Variants in GPHN observed in about 807,000 individuals in gnomAD.
The protein encoded by GPHN is gephyrin.
GPHN carries 17 observed loss-of-function variants against 95.5 expected under a neutral mutation model. That is an observed-to-expected ratio of 0.18 (90% CI 0.12 to 0.27). The LOEUF (loss-of-function observed/expected upper bound fraction) is 0.27, where lower values mean the gene tolerates loss of function less well. Among genes scored for constraint, GPHN ranks in the 10% least tolerant of loss-of-function variants. The pLI, the probability that GPHN is intolerant of heterozygous loss-of-function variation, is 1.00. For missense variants in GPHN, 660 were observed against 978.1 expected (o/e 0.67, Z 4.34); for synonymous variants, 320 against 322.5 (o/e 0.99, Z 0.08).
intron 1 of GPHN, among the ~76,000 whole-genome samples, chr14:66,625,070 C>T (rs1441160524): frequency 6.6e-6 from 1 of 152,090 alleles, no homozygotes; most frequent in Admixed American, 6.6e-5. Context: ...AATCTGGAAA[C>T]TTGTCTTTTT....
At chr14:67,210,223 C>T in the GPHN span, among the ~76,000 whole-genome samples, 1 of 152,042 alleles carries the variant, frequency 6.6e-6, no homozygotes, top group African/African-American at 2.4e-5. Flanking sequence ...AATGGCTAAC[C>T]AGGAAATAGT....
chr14:66,600,418 G>C (rs1247582967), intron 1 of GPHN, among the ~76,000 whole-genome samples: 1 of 152,034 alleles, frequency 6.6e-6, no homozygotes, highest in Non-Finnish European at 1.5e-5. Flanking sequence ...GATTTGTTCT[G>C]TGACGTAGCA....
At chr14:67,210,182 T>C in the GPHN span, among the ~76,000 whole-genome samples, 1 of 152,226 alleles carries the variant, frequency 6.6e-6, no homozygotes, top group Non-Finnish European at 1.5e-5. Flanking sequence ...ATGGAAAACC[T>C]GTAAGTAATC....
chr14:66,588,675 CA>C (rs758672642), intron 1 of GPHN, among the ~76,000 whole-genome samples: 3 of 151,614 alleles, frequency 2.0e-5, no homozygotes, highest in Non-Finnish European at 4.4e-5. Flanking sequence ...AGTGTGAAGA[CA>C]AGATTAGAGA....
chr14:66,540,943 T>G (rs1429191653), intron 1 of GPHN, among the ~76,000 whole-genome samples: 4 of 151,882 alleles, frequency 2.6e-5, no homozygotes, highest in African/African-American at 9.7e-5. Flanking sequence ...CTGGCTAATT[T>G]TTTTTTCTTT....
At chr14:67,679,207 T>C in the GPHN span, among the ~76,000 whole-genome samples, 1 of 152,208 alleles carries the variant, frequency 6.6e-6, no homozygotes, top group East Asian at 1.9e-4. Flanking sequence ...CCCAAGATAA[T>C]GAACCCGTTC....
At chr14:67,532,709 G>A in the GPHN span, among the ~76,000 whole-genome samples, 1 of 152,314 alleles carries the variant, frequency 6.6e-6, no homozygotes, top group Non-Finnish European at 1.5e-5. Flanking sequence ...TACTCTCTGG[G>A]CTGTCGTAAC....
the GPHN span, chr14:67,334,391 GATTTT>G: frequency 2.0e-5 from 3 of 152,598 alleles, no homozygotes; most frequent in African/African-American, 7.2e-5. Flanking sequence ...TGAATGCCTT[GATTTT>G]ATTTTTATGG....
intron 10 of GPHN, among the ~76,000 whole-genome samples, chr14:67,039,885 A>C (rs1420273174): frequency 6.6e-6 from 1 of 152,216 alleles, no homozygotes; most frequent in African/African-American, 2.4e-5. Context: ...TTGCTTATCT[A>C]TACAACCGTT....
chr14:67,507,874 C>T, the GPHN span, among the ~76,000 whole-genome samples: 1 of 152,162 alleles, frequency 6.6e-6, no homozygotes, highest in African/African-American at 2.4e-5. Flanking sequence ...CATGTTGGCT[C>T]ACGCCTGTAG....
chr14:67,153,370 A>G (rs140572640), intron 18 of GPHN, among the ~76,000 whole-genome samples: 1,833 of 152,306 alleles, frequency 0.012, 18 homozygotes, highest in Non-Finnish European at 0.018. Flanking sequence ...AGGTGACAGC[A>G]TGGATGGGTT....
intron 2 of GPHN, among the ~76,000 whole-genome samples, chr14:66,755,519 A>G (rs111260344): frequency 6.6e-6 from 1 of 152,070 alleles, no homozygotes; most frequent in East Asian, 1.9e-4. Context: ...GCTCTTTGAG[A>G]TGTAGACTCT....
chr14:67,330,646 T>C, the GPHN span, among the ~76,000 whole-genome samples: 47,852 of 151,738 alleles, frequency 0.32, 11,656 homozygotes, highest in African/African-American at 0.66. Flanking sequence ...TTAGTAGAGA[T>C]GGGGTTTCTC....
chr14:67,137,398 G>C (rs1180031119), intron 17 of GPHN, among the ~76,000 whole-genome samples: 1 of 151,726 alleles, frequency 6.6e-6, no homozygotes, highest in African/African-American at 2.4e-5. Flanking sequence ...ACCTGCCTTG[G>C]CCTCCCAAAG....
chr14:66,693,789 T>C (rs2067942677), intron 2 of GPHN, among the ~76,000 whole-genome samples: 1 of 152,158 alleles, frequency 6.6e-6, no homozygotes, highest in African/African-American at 2.4e-5. Flanking sequence ...GCACCAAAAA[T>C]TAATCATCAT....
intron 16 of GPHN, among the ~76,000 whole-genome samples, chr14:67,121,309 C>T (rs2078999822): frequency 6.6e-6 from 1 of 152,050 alleles, no homozygotes; most frequent in Admixed American, 6.6e-5. Flanking sequence ...AAACTGATGT[C>T]ATCTGTACTA....
chr14:66,618,213 A>C (rs1026651247), intron 1 of GPHN, among the ~76,000 whole-genome samples: 2 of 152,010 alleles, frequency 1.3e-5, no homozygotes, highest in Admixed American at 6.6e-5. Context: ...TCAGTACTGT[A>C]ATGTCATAAG....
chr14:66,961,898 G>GTGTA (rs1470087858), intron 8 of GPHN, among the ~76,000 whole-genome samples: 11 of 53,364 alleles, frequency 2.1e-4, no homozygotes, highest in South Asian at 6.6e-4. Context: ...ATCCCTGAAT[G>GTGTA]TGTATATATA....
the GPHN span, among the ~76,000 whole-genome samples, chr14:67,250,906 A>G: frequency 6.6e-6 from 1 of 152,204 alleles, no homozygotes; most frequent in Non-Finnish European, 1.5e-5. Context: ...CTTATCCAGA[A>G]TTGTATCCCT....
Sources: allele counts gnomAD v4.1 joint callset (sites outside exome capture counted in the v4.1 genomes callset), GRCh38; gene constraint gnomAD v4.1.1; transcripts MANE v1.5; gene names NCBI Gene and HGNC (gene_info 2026-07-23, HGNC 2026-07-21).